The following ARHGEF9 variants were observed in gnomAD, a reference collection of about 807,000 sequenced individuals.
ARHGEF9 encodes rho guanine nucleotide exchange factor 9.
A neutral mutation model predicts 41.3 loss-of-function variants in ARHGEF9; 2 were observed. The ratio of observed to expected loss-of-function variants is 0.05; its 90% CI spans 0.02 to 0.15. ARHGEF9 has a LOEUF of 0.15. Among genes scored for constraint, ARHGEF9 ranks in the 10% least tolerant of loss-of-function variants. The probability of loss-of-function intolerance (pLI) is 1.00; values close to 1 mark genes in which losing one functional copy is unlikely to be tolerated. For missense variants in ARHGEF9, 225 were observed against 424.7 expected (o/e 0.53, Z 4.13); for synonymous variants, 160 against 154.4 (o/e 1.04, Z -0.27).
chrX:63,697,141 G>T lies in ARHGEF9; in HGVS notation c.566C>A (p.Pro189His). 1 of 1,209,950 alleles carries T rather than the reference G, an allele frequency of 8.3e-7. No individual in the cohort carries two copies. ...NDDPHLSEIG[P>H]CFLEHQDGFW... ...GATACTTACGTGCTCTAGGAAGCAG[G>T]GTCCTATCTCGCTGAGGTGGGGGTC... The change falls in exon 4 of 10, where the codon CCC becomes CAC. Residue 189 changes from proline (P) to histidine (H), a missense_variant. Pro to His is a moderately conservative substitution (Grantham distance 77). This residue lies in a region of ARHGEF9 where 114 missense variants were observed against 197.9 expected (regional missense o/e 0.58). Transcript: ENST00000671741.
At chrX:63,682,243 T>A (rs1422756690) in intron 4 of ARHGEF9, among the ~76,000 whole-genome samples, 1 of 111,368 alleles carries the variant, frequency 9.0e-6, no homozygotes, top group Non-Finnish European at 1.9e-5. Context: ...GGCCAGGCGC[T>A]GTGGCTCACG....
rs1299391827 is a variant in ARHGEF9 at position 63,637,959 on chromosome X, G to A, written c.*69C>T. On this transcript the variant is annotated 3_prime_UTR_variant, in exon 10 of 10. Transcript: ENST00000671741. Reference sequence around the variant, plus strand: ...GTATAAATTTCAACAGTGCTTCTCCGAAAAAAGGTCCATCTATAAATATAA... The same window carrying A: ...GTATAAATTTCAACAGTGCTTCTCCAAAAAAAGGTCCATCTATAAATATAA... The A allele has an allele frequency of 3.9e-6, 4 of 1,033,854 alleles. No individual in the cohort carries two copies. Among genetic ancestry groups the A allele is most frequent in the South Asian group, 2.3e-5 (1 of 44,053 alleles). The allele number at this position is 1,033,854 out of a possible 1,213,427, so 85.2% of individuals were successfully genotyped here. A position where few individuals can be genotyped will look rare whatever the true frequency, so the allele number is the denominator to read the frequency against.
chrX:63,675,656 A>T (rs1325366993), intron 5 of ARHGEF9, among the ~76,000 whole-genome samples: 17 of 112,498 alleles, frequency 1.5e-4, no homozygotes, highest in African/African-American at 5.5e-4. Context: ...ACATTTCCGT[A>T]GTAGAGCCAT....
At chrX:63,753,028 A>G (rs1472557675) in intron 1 of ARHGEF9, among the ~76,000 whole-genome samples, 1 of 112,750 alleles carries the variant, frequency 8.9e-6, no homozygotes, top group Non-Finnish European at 1.9e-5. Context: ...GGGGAGAAAG[A>G]AAATCAAAAC....
chrX:63,780,234 A>G (rs1602758141), intron 1 of ARHGEF9, among the ~76,000 whole-genome samples: 2 of 111,247 alleles, frequency 1.8e-5, no homozygotes, highest in Admixed American at 1.9e-4. Context: ...ATTTTTTTTT[A>G]TGTGAAAAAA....
At chrX:63,705,372 T>C (rs182093721) in intron 3 of ARHGEF9, among the ~76,000 whole-genome samples, 67 of 105,292 alleles carry the variant, frequency 6.4e-4, no homozygotes, top group African/African-American at 2.5e-3. Flanking sequence ...TGTGTGTGTG[T>C]GTGTGTGTGT....
chrX:63,668,361 C>T (rs1347022992), intron 6 of ARHGEF9, among the ~76,000 whole-genome samples: 1 of 111,244 alleles, frequency 9.0e-6, no homozygotes, highest in Non-Finnish European at 1.9e-5. Flanking sequence ...TGGTCTCAAA[C>T]TCCTGACCTC....
At chrX:63,690,339 T>C (rs1386078150) in intron 4 of ARHGEF9, among the ~76,000 whole-genome samples, 2 of 111,174 alleles carry the variant, frequency 1.8e-5, no homozygotes, top group Non-Finnish European at 3.8e-5. Flanking sequence ...CAAAGGATCA[T>C]TACAGAGAAT....
In ARHGEF9 at chrX:63,685,982, C is replaced by T. The variant is rs186662849; in HGVS notation, c.583-7410G>A. ...TTAAGATACTCTTAAAACTAAAAATCGAATTACCATTCAATCCAGCAATCC... is the reference window on the plus strand; with the variant it reads ...TTAAGATACTCTTAAAACTAAAAATTGAATTACCATTCAATCCAGCAATCC... On this transcript the variant is annotated intron_variant, in intron 4 of 9. Transcript: ENST00000671741. Among the ~76,000 whole-genome samples the T allele has an allele frequency of 5.7e-4, 63 of 111,471 alleles. No homozygotes were observed. The East Asian group carries it at 0.015, about 26-fold the overall frequency.
At chrX:63,758,127 CTT>C (rs781853715) in intron 1 of ARHGEF9, among the ~76,000 whole-genome samples, 7 of 86,715 alleles carry the variant, frequency 8.1e-5, no homozygotes, top group Non-Finnish European at 9.2e-5. Context: ...GAGAATGGGA[CTT>C]TTTTTTTTTT....
chrX:63,711,166 A>G (rs1556406649), intron 2 of ARHGEF9, among the ~76,000 whole-genome samples: 1 of 111,637 alleles, frequency 9.0e-6, no homozygotes, highest in African/African-American at 3.2e-5. Context: ...GTAAAGAAGA[A>G]CTATATAGAA....
At chrX:63,775,703 T>G (rs2056282159) in intron 1 of ARHGEF9, among the ~76,000 whole-genome samples, 1 of 111,339 alleles carries the variant, frequency 9.0e-6, no homozygotes, top group South Asian at 3.8e-4. Context: ...GGGTGAGGAC[T>G]GAAAAAATAC....
chrX:63,688,452 T>C (rs2147391811), intron 4 of ARHGEF9, among the ~76,000 whole-genome samples: 1 of 112,404 alleles, frequency 8.9e-6, no homozygotes, highest in African/African-American at 3.2e-5. Flanking sequence ...GGTAAACGTA[T>C]ATAGACAAAT....
intron 6 of ARHGEF9, among the ~76,000 whole-genome samples, chrX:63,668,691 T>C (rs1175649320): frequency 2.7e-5 from 3 of 112,263 alleles, no homozygotes; most frequent in Non-Finnish European, 3.8e-5. Flanking sequence ...ACATAAGTGA[T>C]ACTTATTTTC....
Position 63,655,478 on chromosome X carries a change from C to A in ARHGEF9, c.1321+16G>T, listed in dbSNP as rs782648725. The A allele has an allele frequency of 4.1e-5, 50 of 1,209,119 alleles. No individual in the cohort carries two copies. The highest frequency in any genetic ancestry group is 5.3e-5 in the Non-Finnish European group (47 of 894,663). On this transcript the variant is annotated intron_variant, in intron 8 of 9. Transcript: ENST00000671741. The stretch of plus-strand genomic sequence containing the variant: ...CTTCATAGCCATGTTCTTCTTTCTA[C>A]TCTCAGGTCACTTACCAATTTTTTC...
chrX:63,703,350 G>A (rs2052313651), intron 3 of ARHGEF9: 1 of 112,204 alleles, frequency 8.9e-6, no homozygotes, highest in Admixed American at 9.4e-5. Context: ...GCCAAGATGT[G>A]TGGGAGTTGA....
intron 1 of ARHGEF9, among the ~76,000 whole-genome samples, chrX:63,765,658 A>G (rs1375809122): frequency 4.5e-5 from 5 of 111,569 alleles, no homozygotes; most frequent in Non-Finnish European, 7.5e-5. Context: ...TTCATGGAAG[A>G]GTGGAAAGAA....
chrX:63,774,753 C>T (rs189481753), intron 1 of ARHGEF9, among the ~76,000 whole-genome samples: 2 of 111,674 alleles, frequency 1.8e-5, no homozygotes, highest in African/African-American at 6.5e-5. Flanking sequence ...CTATTCTGGA[C>T]ATAGGCCCTG....
intron 1 of ARHGEF9, among the ~76,000 whole-genome samples, chrX:63,768,112 GTTT>G (rs782715989): frequency 1.8e-5 from 2 of 111,841 alleles, no homozygotes; most frequent in Non-Finnish European, 3.8e-5. Context: ...CCAATATGTA[GTTT>G]TTTATTTTTT....
Sources: allele counts gnomAD v4.1 joint callset (sites outside exome capture counted in the v4.1 genomes callset), GRCh38; gene constraint gnomAD v4.1.1; regional missense constraint gnomAD v4.1.1; transcripts MANE v1.5; gene names NCBI Gene and HGNC (gene_info 2026-07-23, HGNC 2026-07-21).